The following NOX4 variants were observed in gnomAD, a reference collection of about 807,000 sequenced individuals.
NOX4 encodes kidney oxidase-1.
In NOX4, 69 loss-of-function variants were observed where a neutral mutation model predicts 87.6. The observed-to-expected ratio is 0.79, with a 90% CI of 0.65 to 0.96. NOX4 has a LOEUF of 0.96. NOX4 is among the 40% of genes least tolerant of loss of function. The probability of loss-of-function intolerance (pLI) is 0.00; values close to 1 mark genes in which losing one functional copy is unlikely to be tolerated. For missense variants in NOX4, 680 were observed against 681.5 expected (o/e 1.00, Z 0.02); for synonymous variants, 275 against 238.2 (o/e 1.15, Z -1.42).
At chr11:89,419,179 C>T (rs1022157466) in intron 8 of NOX4, among the ~76,000 whole-genome samples, 2 of 151,908 alleles carry the variant, frequency 1.3e-5, no homozygotes, top group Admixed American at 6.6e-5. Flanking sequence ...GTACTTACCA[C>T]ATTGATGGAC....
intron 6 of NOX4, among the ~76,000 whole-genome samples, chr11:89,439,248 C>G (rs980792509): frequency 4.0e-5 from 6 of 150,884 alleles, no homozygotes; most frequent in Non-Finnish European, 8.9e-5. Flanking sequence ...TCACTGTAAA[C>G]CAAAAAATAC....
the NOX4 span, among the ~76,000 whole-genome samples, chr11:89,547,365 G>A: frequency 6.6e-6 from 1 of 152,084 alleles, no homozygotes; most frequent in Non-Finnish European, 1.5e-5. Context: ...TCTAAAACTA[G>A]AATATACTCA....
rs562206006 is a variant in NOX4 at position 89,475,945 on chromosome 11, T to C, written c.153+14513A>G. On this transcript the variant is annotated intron_variant, in intron 2 of 17. Coordinates refer to ENST00000263317, the MANE Select transcript of NOX4 (RefSeq NM_016931.5). ...GCTTTTCTTGTGTGCTGTTAAGACA[T>C]TTAGCAAACAATTTTGGAAAAAGTA... is the stretch of plus-strand genomic sequence containing the variant. Among the ~76,000 whole-genome samples the C allele has an allele frequency of 3.3e-5, 5 of 152,214 alleles. 1 individual carries two copies. The South Asian group carries it at 1.0e-3, about 32-fold the overall frequency.
intron 8 of NOX4, among the ~76,000 whole-genome samples, chr11:89,412,915 T>C (rs1351161025): frequency 6.6e-6 from 1 of 152,092 alleles, no homozygotes; most frequent in Non-Finnish European, 1.5e-5. Context: ...GGGAAAATAT[T>C]TGCAAACTAT....
chr11:89,486,633 CAT>C (rs375094475), intron 2 of NOX4, among the ~76,000 whole-genome samples: 2,942 of 106,690 alleles, frequency 0.028, 240 homozygotes, highest in African/African-American at 0.1. Flanking sequence ...TGTATATATA[CAT>C]ATATATGTGT....
chr11:89,581,382 T>C, the NOX4 span, among the ~76,000 whole-genome samples: 2 of 152,234 alleles, frequency 1.3e-5, no homozygotes, highest in African/African-American at 2.4e-5. Flanking sequence ...ACAGATGTCA[T>C]GTTTTATTCA....
the NOX4 span, among the ~76,000 whole-genome samples, chr11:89,566,082 G>T: frequency 7.1e-6 from 1 of 140,576 alleles, no homozygotes; most frequent in South Asian, 2.2e-4. Context: ...GCGCTCTGTC[G>T]CCTAGGCTGG....
chr11:89,331,529 G>A (rs1353265243), intron 17 of NOX4, among the ~76,000 whole-genome samples: 2 of 151,698 alleles, frequency 1.3e-5, no homozygotes, highest in African/African-American at 4.8e-5. Context: ...GAAACATAAT[G>A]TAGCTTCCAT....
chr11:89,411,006 C>T (rs1219492017), intron 8 of NOX4, among the ~76,000 whole-genome samples: 2 of 152,052 alleles, frequency 1.3e-5, no homozygotes, highest in East Asian at 1.9e-4. Flanking sequence ...ATAAAGAGGA[C>T]TTTGTCCTGC....
At chr11:89,521,282 C>T in the NOX4 span, among the ~76,000 whole-genome samples, 46 of 152,012 alleles carry the variant, frequency 3.0e-4, no homozygotes, top group African/African-American at 9.2e-4. Context: ...CTTCAAACTA[C>T]GGTGTAAGGC....
At chr11:89,484,599 T>C (rs1946514936) in intron 2 of NOX4, among the ~76,000 whole-genome samples, 1 of 152,122 alleles carries the variant, frequency 6.6e-6, no homozygotes, top group South Asian at 2.1e-4. Context: ...ACTAATTCAG[T>C]AGGTGATAGT....
the NOX4 span, among the ~76,000 whole-genome samples, chr11:89,540,786 T>A: frequency 1.7e-3 from 75 of 43,520 alleles, no homozygotes; most frequent in South Asian, 0.011. Flanking sequence ...AGACTCCGTC[T>A]AAAAAAAAAA....
At chr11:89,414,125 G>T (rs1216667912) in intron 8 of NOX4, among the ~76,000 whole-genome samples, 1 of 151,996 alleles carries the variant, frequency 6.6e-6, no homozygotes, top group East Asian at 1.9e-4. Flanking sequence ...TCTAAGATTA[G>T]TGATCTTCTA....
At chr11:89,445,726 C>T (rs1420758830) in intron 4 of NOX4, among the ~76,000 whole-genome samples, 1 of 152,052 alleles carries the variant, frequency 6.6e-6, no homozygotes, top group Non-Finnish European at 1.5e-5. Flanking sequence ...GAAAATGAAT[C>T]AGAGACCCAA....
the NOX4 span, among the ~76,000 whole-genome samples, chr11:89,561,400 T>C: frequency 4.6e-5 from 7 of 152,126 alleles, no homozygotes; most frequent in African/African-American, 1.7e-4. Context: ...TATTCTTCTA[T>C]CCATTAGCTA....
In NOX4 at chr11:89,490,980, C is replaced by A. The variant is rs536416797; in HGVS notation, c.57+210G>T. 9.8e-4 allele frequency: 699 copies of A among 713,334 alleles called. 2 individuals are homozygous for A. In the African/African-American group the frequency reaches 0.011, roughly 12 times the overall value. 44.2% of individuals were successfully genotyped at this position (713,334 alleles called of 1,614,324 possible). On this transcript the variant is annotated intron_variant, in intron 1 of 17. Transcript: ENST00000263317. The stretch of plus-strand genomic sequence containing the variant: ...CCTCCACATCTCTCCCATCAATGTG[C>A]AGAAAAATTCTCATGCATTTGGGGG...
At chr11:89,429,161 T>C (rs1489401555) in intron 7 of NOX4, among the ~76,000 whole-genome samples, 2 of 151,944 alleles carry the variant, frequency 1.3e-5, no homozygotes, top group South Asian at 2.1e-4. Flanking sequence ...TTGAAAACAA[T>C]GAGAAAAAAG....
At chr11:89,443,894 C>A (rs1227202306) in intron 5 of NOX4, 2 of 422,812 alleles carry the variant, frequency 4.7e-6, no homozygotes, top group East Asian at 8.2e-5. Context: ...GAGTGGCAAC[C>A]ATCTGAACAT....
chr11:89,530,143 C>T, the NOX4 span, among the ~76,000 whole-genome samples: 1 of 149,890 alleles, frequency 6.7e-6, no homozygotes, highest in African/African-American at 2.5e-5. Context: ...ATGATCTGTG[C>T]AAGGTTAAAC....
Sources: allele counts gnomAD v4.1 joint callset (sites outside exome capture counted in the v4.1 genomes callset), GRCh38; gene constraint gnomAD v4.1.1; transcripts MANE v1.5; gene names NCBI Gene and HGNC (gene_info 2026-07-23, HGNC 2026-07-21).